NBEA: variants seen among roughly 807,000 people sequenced by gnomAD.
NBEA encodes lysosomal-trafficking regulator 2.
In NBEA, 44 loss-of-function variants were observed where a neutral mutation model predicts 343.4. That is an observed-to-expected ratio of 0.13 (90% confidence interval 0.10 to 0.16). NBEA has a LOEUF of 0.16. Ranked by LOEUF, NBEA falls within the 10% of genes least tolerant of loss-of-function variation. The pLI, the probability that NBEA is intolerant of heterozygous loss-of-function variation, is 1.00. For missense variants in NBEA, 2,555 were observed against 3,631.3 expected (o/e 0.70, Z 7.62); for synonymous variants, 1,175 against 1,238.7 (o/e 0.95, Z 1.08).
At chr13:35,475,458 G>A in intron 41 of NBEA, 1 of 1,612,600 alleles carries the variant, frequency 6.2e-7, no homozygotes, top group Non-Finnish European at 8.5e-7. Context: ...CCCAGGCGTC[G>A]CTCTCCGCCG....
chr13:35,435,103 A>G (rs2045350588), intron 39 of NBEA, among the ~76,000 whole-genome samples: 1 of 152,084 alleles, frequency 6.6e-6, no homozygotes. Context: ...ATCTCAGCTC[A>G]CTTCAACCTT....
chr13:35,102,945 T>C (rs572708395), intron 11 of NBEA, among the ~76,000 whole-genome samples: 1 of 151,984 alleles, frequency 6.6e-6, no homozygotes, highest in South Asian at 2.1e-4. Flanking sequence ...ATCCCTGTCT[T>C]ATTCCTGATC....
At chr13:35,139,115 C>T (rs1025119047) in intron 17 of NBEA, among the ~76,000 whole-genome samples, 1 of 124,446 alleles carries the variant, frequency 8.0e-6, no homozygotes, top group Non-Finnish European at 1.6e-5. Context: ...GGCTGGAGTG[C>T]AGTGATGCAA....
intron 34 of NBEA, among the ~76,000 whole-genome samples, chr13:35,266,170 TA>T (rs766640998): frequency 6.6e-6 from 1 of 151,734 alleles, no homozygotes; most frequent in Non-Finnish European, 1.5e-5. Flanking sequence ...TAAATATAAA[TA>T]TTACCAAAAA....
chr13:35,054,845 T>C (rs1390794987), intron 6 of NBEA, among the ~76,000 whole-genome samples: 5 of 152,024 alleles, frequency 3.3e-5, no homozygotes, highest in Non-Finnish European at 7.4e-5. Context: ...GGTTTCACCA[T>C]GTTGGCCAGC....
intron 6 of NBEA, among the ~76,000 whole-genome samples, chr13:35,053,605 T>G (rs1015548926): frequency 1.3e-5 from 2 of 152,150 alleles, no homozygotes; most frequent in Non-Finnish European, 2.9e-5. Context: ...TGTCCGTCTT[T>G]ATATACCCAT....
chr13:35,290,562 C>A, intron 35 of NBEA, 112 bp downstream of exon 35: 1 of 671,974 alleles, frequency 1.5e-6, no homozygotes, highest in Admixed American at 2.6e-5. Context: ...AAATTTCCAT[C>A]TATTATCCCA....
chr13:35,388,254 A>G (rs545194848), intron 38 of NBEA, among the ~76,000 whole-genome samples: 10 of 152,148 alleles, frequency 6.6e-5, no homozygotes, highest in Non-Finnish European at 1.5e-4. Flanking sequence ...AATTTATTAC[A>G]TTTGGCAAAA....
At chr13:35,157,720 TA>T (rs1276774781) in intron 21 of NBEA, among the ~76,000 whole-genome samples, 10 of 152,264 alleles carry the variant, frequency 6.6e-5, no homozygotes, top group Non-Finnish European at 1.3e-4. Flanking sequence ...TTTTTAATCT[TA>T]AAAATCTGTA....
chr13:35,107,471 T>A (rs992072941), intron 11 of NBEA, among the ~76,000 whole-genome samples: 5 of 152,008 alleles, frequency 3.3e-5, no homozygotes, highest in African/African-American at 1.2e-4. Flanking sequence ...CTTATAATAA[T>A]TTGAACCAAT....
intron 48 of NBEA, among the ~76,000 whole-genome samples, chr13:35,613,850 C>T (rs1178169382): frequency 1.3e-5 from 2 of 152,186 alleles, no homozygotes; most frequent in Non-Finnish European, 2.9e-5. Context: ...ATCCTCCCAC[C>T]TCAGCCTCCC....
intron 36 of NBEA, among the ~76,000 whole-genome samples, chr13:35,322,451 C>A (rs1484160125): frequency 6.6e-6 from 1 of 152,146 alleles, no homozygotes; most frequent in Non-Finnish European, 1.5e-5. Context: ...AGTCCAATCA[C>A]CCACTGCCTA....
intron 48 of NBEA, among the ~76,000 whole-genome samples, chr13:35,627,737 TA>T (rs2083289951): frequency 6.6e-6 from 1 of 152,136 alleles, no homozygotes; most frequent in Non-Finnish European, 1.5e-5. Flanking sequence ...TTAAAAAAGG[TA>T]ATTTAAATTA....
intron 33 of NBEA, among the ~76,000 whole-genome samples, chr13:35,229,297 G>C (rs1052048829): frequency 1.3e-5 from 2 of 152,052 alleles, no homozygotes; most frequent in Non-Finnish European, 2.9e-5. Context: ...CTTCCAAAGC[G>C]CTGGAATTAT....
chr13:35,311,553 T>A (rs140602652), intron 36 of NBEA, among the ~76,000 whole-genome samples: 33 of 152,078 alleles, frequency 2.2e-4, no homozygotes, highest in South Asian at 1.2e-3. Context: ...GTCACAATTT[T>A]AAAAAAAATT....
intron 36 of NBEA, among the ~76,000 whole-genome samples, chr13:35,323,344 G>C (rs867291826): frequency 6.6e-6 from 1 of 151,966 alleles, no homozygotes; most frequent in African/African-American, 2.4e-5. Context: ...ACTGGATTAA[G>C]AAAATGTGGC....
intron 39 of NBEA, among the ~76,000 whole-genome samples, chr13:35,445,071 T>C (rs977926062): frequency 6.6e-6 from 1 of 152,122 alleles, no homozygotes; most frequent in African/African-American, 2.4e-5. Flanking sequence ...GAAGGAAGAA[T>C]AGTAACTCCA....
intron 34 of NBEA, among the ~76,000 whole-genome samples, chr13:35,253,587 A>G (rs1197009057): frequency 6.6e-6 from 1 of 152,184 alleles, no homozygotes; most frequent in African/African-American, 2.4e-5. Flanking sequence ...TCATCATTAT[A>G]TTATGGTGTA....
rs1388039718 is a variant in NBEA at position 35,171,264 on chromosome 13, T to C, written c.4243-8T>C. 2.5e-6 allele frequency: 4 copies of C among 1,606,306 alleles called. No homozygotes were observed. The highest frequency in any genetic ancestry group is 3.4e-6 in the Non-Finnish European group (4 of 1,175,590). Reference sequence around the variant, plus strand: ...TAAACAAGACTTAAATCTTCTACTTTTTTAAAGACGGAATTGGAAAATATT... The same window carrying C: ...TAAACAAGACTTAAATCTTCTACTTCTTTAAAGACGGAATTGGAAAATATT... On this transcript the variant is annotated splice_region_variant and splice_polypyrimidine_tract_variant and intron_variant, in intron 25 of 58. Transcript: ENST00000379939.
Sources: allele counts gnomAD v4.1 joint callset (sites outside exome capture counted in the v4.1 genomes callset), GRCh38; gene constraint gnomAD v4.1.1; transcripts MANE v1.5; gene names NCBI Gene and HGNC (gene_info 2026-07-23, HGNC 2026-07-21).